Variants in DSP observed in about 807,000 individuals in gnomAD.
The protein encoded by DSP is 250/210 kDa paraneoplastic pemphigus antigen.
DSP carries 114 observed loss-of-function variants against 290.6 expected under a neutral mutation model. The ratio of observed to expected loss-of-function variants is 0.39; its 90% CI spans 0.34 to 0.46. The LOEUF (loss-of-function observed/expected upper bound fraction) is 0.46. Among genes scored for constraint, DSP ranks in the 20% least tolerant of loss-of-function variants. The pLI is 0.99. For synonymous variants in DSP, 1,311 were observed against 1,316.4 expected, an observed-to-expected ratio of 1.00 and a Z score of 0.09; for missense variants, 3,230 against 3,495.8, an observed-to-expected ratio of 0.92 and a Z score of 1.92.
intron 13 of DSP, 125 bp downstream of exon 13, chr6:7,570,688 G>A: frequency 7.3e-7 from 1 of 1,378,652 alleles, no homozygotes; most frequent in Non-Finnish European, 1.0e-6. Flanking sequence ...AAGCAAGTCA[G>A]CTCAGCCCTC....
chr6:7,571,077 G>A (rs376146904), intron 13 of DSP, among the ~76,000 whole-genome samples: 4 of 151,916 alleles, frequency 2.6e-5, no homozygotes, highest in South Asian at 2.1e-4. Flanking sequence ...GGGGTCCCCC[G>A]AGCCCTTTTT....
At chr6:7,562,111 T>C (rs570542085) in intron 4 of DSP, among the ~76,000 whole-genome samples, 8 of 152,338 alleles carry the variant, frequency 5.3e-5, no homozygotes, top group African/African-American at 1.2e-4. Flanking sequence ...TAGGGAGTTT[T>C]GCATCCTAAA....
intron 2 of DSP, 30 bp from the exon 3 acceptor site, chr6:7,558,086 G>A (rs750739835): frequency 8.1e-6 from 13 of 1,613,982 alleles, no homozygotes; most frequent in South Asian, 1.1e-5. Flanking sequence ...GGTAGTATGT[G>A]TTTTCCTTCA....
chr6:7,578,278 G>C (rs888501728), intron 21 of DSP, among the ~76,000 whole-genome samples, 186 bp from the exon 22 acceptor site: 9 of 152,210 alleles, frequency 5.9e-5, no homozygotes, highest in Non-Finnish European at 1.3e-4. Context: ...GGAGAGATGA[G>C]AATGGGATAC....
chr6:7,576,981 G>A lies in DSP; in HGVS notation c.2816G>A (p.Gly939Asp), dbSNP rs1282709002. 6.2e-7 allele frequency: 1 copy of A among 1,613,162 alleles called. No homozygotes were observed. Among genetic ancestry groups the A allele is most frequent in the Non-Finnish European group, 8.5e-7 (1 of 1,179,482 alleles). ...EQKNLHSEIS[G>D]KRDKSEEVQK... ...TAGAACTTGCACAGTGAAATATCTG[G>A]CAAACGAGACAAATCAGAGGAAGTA... The change falls in exon 20 of 24, where the codon GGC (glycine) becomes GAC (aspartate). Residue 939 changes from glycine to aspartate, a missense_variant. Around this residue, in one of 5 missense-constraint regions of DSP, gnomAD observed 1,714 missense variants for 1,844.5 expected, o/e 0.93. Transcript: ENST00000379802.
rs1302281595 is a variant in DSP, at chr6:7,574,067, T to C, written c.2131-19T>C. 1 of 1,613,718 alleles carries C rather than the reference T, an allele frequency of 6.2e-7. No homozygotes were observed. The highest frequency in any genetic ancestry group is 2.2e-5 in the East Asian group (1 of 44,852). On this transcript the variant is annotated intron_variant, in intron 15 of 23. Coordinates refer to ENST00000379802, the MANE Select transcript of DSP (RefSeq NM_004415.4). ...AAAGAATCAGCTAAATCAAAAGAGC[T>C]TTCCTTCATTTTTGACAGAGTGTGC...
intron 12 of DSP, among the ~76,000 whole-genome samples, chr6:7,569,881 A>T (rs911833746): frequency 3.9e-5 from 6 of 152,154 alleles, no homozygotes; most frequent in Non-Finnish European, 7.3e-5. Flanking sequence ...AGAGTGAATA[A>T]TACTTGTCAT....
At chr6:7,581,611 T>C in intron 23 of DSP, 42 bp downstream of exon 23, 4 of 1,607,336 alleles carry the variant, frequency 2.5e-6, no homozygotes, top group Non-Finnish European at 3.4e-6. Context: ...GTTTCTCAAA[T>C]TATTCATCAC....
Position 7,579,640 on chromosome 6 carries a change from G to T in DSP, c.3450G>T (p.Lys1150Asn). The change falls in exon 23 of 24, where the codon AAG becomes AAT. Residue 1150 changes from lysine (K) to asparagine (N), a missense_variant. Coordinates refer to ENST00000379802, the MANE Select transcript of DSP (RefSeq NM_004415.4). The surrounding 1 kb of genome is among the most constrained non-coding windows in gnomAD (Gnocchi z 4.1). ...TGCAGAAAGCAAGGCAATGTGAAAA[G>T]GAGAACCTTGGTTGGCAGAAATTAG... The part of the protein sequence containing the change: ...DQLQKARQCE[K>N]ENLGWQKLES... The T allele has an allele frequency of 6.2e-7, 1 of 1,614,042 alleles. No individual in the cohort carries two copies. Among genetic ancestry groups the T allele is most frequent in the Non-Finnish European group, 8.5e-7 (1 of 1,180,020 alleles).
chr6:7,562,997 G>A (rs1758749609), intron 5 of DSP, among the ~76,000 whole-genome samples: 7 of 152,186 alleles, frequency 4.6e-5, no homozygotes, highest in Admixed American at 3.9e-4. Context: ...CAGAGGCTGA[G>A]GTTGTGCAAA....
Position 7,541,719 on chromosome 6 carries a change from GC to G in DSP, c.-192del. The G allele has an allele frequency of 1.6e-6, 1 of 636,684 alleles. No individual in the cohort carries two copies. Among genetic ancestry groups the G allele is most frequent in the Admixed American group, 3.2e-5 (1 of 30,820 alleles). The allele number at this position is 636,684 out of a possible 1,614,324, so 39.4% of individuals were successfully genotyped here. A position where few individuals can be genotyped will look rare whatever the true frequency, so the allele number is the denominator to read the frequency against. ...GAGCCACAGCTTTCCTCCCGCTCCT[GC>G]CCCCGGCCCGTCGCCGTCTCCGCGC... On this transcript the variant is annotated 5_prime_UTR_variant, in exon 1 of 24. Transcript: ENST00000379802.
chr6:7,544,218 C>G (rs9502619), intron 1 of DSP, among the ~76,000 whole-genome samples: 52,165 of 152,020 alleles, frequency 0.34, 9,039 homozygotes, highest in Middle Eastern at 0.4. Context: ...GTGCTACTGA[C>G]TACAAAATAG....
chr6:7,582,957 A>C lies in DSP; in HGVS notation c.5695A>C (p.Ile1899Leu). ...AGAGAAGAACAGTCTTAGGAGTGAG[A>C]TCGAAAGACTCCAAGCAGAGATCAA... ...EREKNSLRSE[I>L]ERLQAEIKRI... Residue 1899 changes from isoleucine (I) to leucine (L), a missense_variant, in exon 24 of 24, where the codon ATC becomes CTC. Ile to Leu is a conservative substitution (Grantham distance 5, BLOSUM62 2). This residue lies in a region of DSP where 1,714 missense variants were observed against 1,844.5 expected (regional missense o/e 0.93). Transcript: ENST00000379802. This position sits in a 1 kb window ranked among gnomAD's most constrained non-coding sequence, Gnocchi z 4.2. 6.2e-7 allele frequency: 1 copy of C among 1,614,106 alleles called. No homozygotes were observed. Among genetic ancestry groups the C allele is most frequent in the Non-Finnish European group, 8.5e-7 (1 of 1,180,008 alleles).
At position 7,585,188 on chromosome 6, in the gene DSP, T is replaced by G. The variant is rs917556170; in HGVS notation, c.7926T>G (p.Val2642=). Residue 2642 remains valine (V), a synonymous_variant, in exon 24 of 24, where the codon GTT becomes GTG. Transcript: ENST00000379802. ...CAGAAGGTATAGAGCGGGGCATCGT[T>G]GACAGCATCACGGGTCAGAGGCTTC... is the stretch of plus-strand genomic sequence containing the variant. ...SITEGIERGI[V]DSITGQRLLE... 1.9e-6 allele frequency: 3 copies of G among 1,614,040 alleles called. No individual in the cohort carries two copies. The highest frequency in any genetic ancestry group is 2.5e-6 in the Non-Finnish European group (3 of 1,180,040).
Position 7,585,497 on chromosome 6 carries a change from A to G in DSP, c.8235A>G (p.Ile2745Met), listed in dbSNP as rs768893360. ...GLVDPEVHGR[I>M]STEEAIRKGF... Reference sequence around the variant, plus strand: ...TTGACCCGGAAGTGCATGGGAGGATAAGCACCGAAGAAGCCATCCGGAAGG... The same window carrying G: ...TTGACCCGGAAGTGCATGGGAGGATGAGCACCGAAGAAGCCATCCGGAAGG... The change falls in exon 24 of 24, where the codon ATA (isoleucine) becomes ATG (methionine). Residue 2745 changes from isoleucine (I) to methionine (M), a missense_variant. Ile to Met is a conservative substitution (Grantham distance 10). Around this residue, in one of 5 missense-constraint regions of DSP, gnomAD observed 582 missense variants for 555.4 expected, o/e 1.05. Coordinates refer to ENST00000379802, the MANE Select transcript of DSP (RefSeq NM_004415.4). 2.5e-6 allele frequency: 4 copies of G among 1,614,158 alleles called. No homozygotes were observed. The highest frequency in any genetic ancestry group is 1.7e-5 in the Admixed American group (1 of 60,012).
rs766183320 is a variant in DSP, at chr6:7,584,027, G to C, written c.6765G>C (p.Gln2255His). 6.2e-7 allele frequency: 1 copy of C among 1,614,158 alleles called. No homozygotes were observed. The highest frequency in any genetic ancestry group is 8.5e-7 in the Non-Finnish European group (1 of 1,180,024). The change falls in exon 24 of 24, where the codon CAG becomes CAC. Residue 2255 changes from glutamine to histidine, a missense_variant. Gln to His is a conservative substitution (Grantham distance 24). This residue lies in a region of DSP where 207 missense variants were observed against 281.2 expected (regional missense o/e 0.74). Coordinates refer to ENST00000379802, the MANE Select transcript of DSP (RefSeq NM_004415.4). This position sits in a 1 kb window ranked among gnomAD's most constrained non-coding sequence, Gnocchi z 6.4. ...EVGERIKDFL[Q>H]GSSCIAGIYN... ...GTGAGAGAATTAAGGACTTCCTCCA[G>C]GGTTCAAGCTGCATAGCAGGCATAT...
rs1419166158 is a variant in DSP at position 7,586,241 on chromosome 6, A to G, written c.*363A>G. ...ATTCTTGGAGATAAAAATTAAATGG[A>G]TCACTGATATTTTAGTCATTCTGCT... On this transcript the variant is annotated 3_prime_UTR_variant, in exon 24 of 24. Coordinates refer to ENST00000379802, the MANE Select transcript of DSP (RefSeq NM_004415.4). 1.1e-5 allele frequency: 2 copies of G among 187,088 alleles called. No individual in the cohort carries two copies. The highest frequency in any genetic ancestry group is 2.2e-5 in the Non-Finnish European group (2 of 89,832). The allele number at this position is 187,088 out of a possible 1,614,324, so 11.6% of individuals were successfully genotyped here.
intron 20 of DSP, among the ~76,000 whole-genome samples, chr6:7,577,482 C>T (rs774824796): frequency 3.6e-4 from 55 of 152,290 alleles, no homozygotes; most frequent in Admixed American, 2.0e-4. Context: ...GCATGCACCA[C>T]CATGCCCGGC....
Position 7,583,717 on chromosome 6 carries a change from G to C in DSP, c.6455G>C (p.Gly2152Ala). 6.2e-7 allele frequency: 1 copy of C among 1,614,068 alleles called. No homozygotes were observed. Among genetic ancestry groups the C allele is most frequent in the South Asian group, 1.1e-5 (1 of 91,070 alleles). Reference sequence around the variant, plus strand: ...CCAAAAGATGTCGCCTTGGCCCGGGGGCTGATTGATAGAGATTTGTATCGA... The same window carrying C: ...CCAAAAGATGTCGCCTTGGCCCGGGCGCTGATTGATAGAGATTTGTATCGA... ...FLPKDVALAR[G>A]LIDRDLYRSL... Residue 2152 changes from glycine (G) to alanine (A), a missense_variant, in exon 24 of 24, where the codon GGG (glycine) becomes GCG (alanine). Physicochemically the swap from Gly to Ala is moderately conservative, Grantham distance 60. Transcript: ENST00000379802. This position sits in a 1 kb window ranked among gnomAD's most constrained non-coding sequence, Gnocchi z 4.0.
Sources: allele counts gnomAD v4.1 joint callset (sites outside exome capture counted in the v4.1 genomes callset), GRCh38; gene constraint gnomAD v4.1.1; regional missense constraint gnomAD v4.1.1; non-coding constraint Gnocchi (gnomAD v3.1); transcripts MANE v1.5; gene names NCBI Gene and HGNC (gene_info 2026-07-23, HGNC 2026-07-21).